Variants in DCHS2 observed in about 807,000 individuals in gnomAD.
The protein encoded by DCHS2 is protocadherin-23.
In DCHS2, 142 loss-of-function variants were observed where a neutral mutation model predicts 182.4. The observed-to-expected ratio is 0.78, with a 90% CI of 0.68 to 0.89. The LOEUF (loss-of-function observed/expected upper bound fraction) is 0.89. Ranked by LOEUF, DCHS2 falls within the 40% of genes least tolerant of loss-of-function variation. The pLI, the probability that DCHS2 is intolerant of heterozygous loss-of-function variation, is 0.00. For synonymous variants in DCHS2, 1,740 were observed against 1,663.3 expected (o/e 1.05, Z -1.12); for missense variants, 4,319 against 4,198.6 (o/e 1.03, Z -0.79).
At chr4:154,417,780 T>C (rs913178168) in intron 1 of DCHS2, among the ~76,000 whole-genome samples, 10 of 152,216 alleles carry the variant, frequency 6.6e-5, no homozygotes, top group Admixed American at 3.9e-4. Flanking sequence ...AAAATCCTTC[T>C]AATAGCAGAA....
In DCHS2 at chr4:154,320,462, G is replaced by A; in HGVS notation, c.4937C>T (p.Pro1646Leu). 6.2e-7 allele frequency: 1 copy of A among 1,614,092 alleles called. No homozygotes were observed. The highest frequency in any genetic ancestry group is 8.5e-7 in the Non-Finnish European group (1 of 1,179,994). Residue 1646 changes from proline (P) to leucine (L), a missense_variant, in exon 9 of 20, where the codon CCA becomes CTA. Coordinates refer to ENST00000357232, the MANE Select transcript of DCHS2 (RefSeq NM_001358235.2). ...TACTTTTCCATTCCTTCCTTCGTCT[G>A]GATCGTGAGCAGTTATGTGGTGGAC... ...SLVHHITAHD[P>L]DEGRNGKVTY...
chr4:154,458,936 G>T (rs1179744419), intron 1 of DCHS2, among the ~76,000 whole-genome samples: 1 of 152,100 alleles, frequency 6.6e-6, no homozygotes, highest in East Asian at 1.9e-4. Context: ...ACAATACTCT[G>T]ATGTACCCAA....
intron 1 of DCHS2, among the ~76,000 whole-genome samples, chr4:154,394,366 G>C (rs899110340): frequency 3.3e-5 from 5 of 152,208 alleles, no homozygotes; most frequent in Non-Finnish European, 7.3e-5. Context: ...GAGTCAGACA[G>C]GTTTTGGACT....
In DCHS2 at chr4:154,489,581, AG is replaced by A; in HGVS notation, c.1774del (p.Leu592CysfsTer30). ...QLSAPCNLGS[L>X]QSKMVHTAEC... ...TGCGGTGTGGACCATCTTTGATTGC[AG>A]GGAGCCGAGATTGCAGGGAGCCGAG... On this transcript the variant is annotated frameshift_variant, in exon 1 of 20. Transcript: ENST00000357232. LOFTEE classifies it high-confidence loss of function. The A allele has an allele frequency of 6.4e-7, 1 of 1,550,688 alleles. No homozygotes were observed. Among genetic ancestry groups the A allele is most frequent in the African/African-American group, 1.4e-5 (1 of 73,110 alleles).
rs200683519 is a variant in DCHS2 at position 154,441,733 on chromosome 4, C to CT, written c.2052+47570dup. Among the ~76,000 whole-genome samples, 315 of 114,834 alleles carry CT rather than the reference C, an allele frequency of 2.7e-3. 3 individuals carry two copies. The highest frequency in any genetic ancestry group is 9.1e-3 in the African/African-American group (305 of 33,634). The allele number at this position is 114,834 out of a possible 152,430, so 75.3% of individuals were successfully genotyped here. A position where few individuals can be genotyped will look rare whatever the true frequency, so the allele number is the denominator to read the frequency against. The stretch of plus-strand genomic sequence containing the variant: ...ATGAGCTACGTCACCATTTATTAGG[C>CT]TTTTTTTTTAACTTGAAAGTCTCAG... On this transcript the variant is annotated intron_variant, in intron 1 of 19. Transcript: ENST00000357232.
At chr4:154,394,894 A>G (rs1018609989) in intron 1 of DCHS2, among the ~76,000 whole-genome samples, 3 of 152,202 alleles carry the variant, frequency 2.0e-5, no homozygotes, top group South Asian at 4.1e-4. Context: ...TGGCAAGTCA[A>G]ATTAGACCAC....
chr4:154,259,450 A>T, intron 15 of DCHS2, 95 bp downstream of exon 15: 1 of 1,524,344 alleles, frequency 6.6e-7, no homozygotes, highest in Non-Finnish European at 8.8e-7. Flanking sequence ...AGAAATTTTT[A>T]TGTACATTGA....
Position 154,335,118 on chromosome 4 carries a change from A to G in DCHS2, c.2477-14T>C. 6.6e-7 allele frequency: 1 copy of G among 1,508,666 alleles called. No individual in the cohort carries two copies. The highest frequency in any genetic ancestry group is 9.2e-7 in the Non-Finnish European group (1 of 1,084,080). The allele number at this position is 1,508,666 out of a possible 1,614,324, so 93.5% of individuals were successfully genotyped here. A position where few individuals can be genotyped will look rare whatever the true frequency, so the allele number is the denominator to read the frequency against. On this transcript the variant is annotated splice_polypyrimidine_tract_variant and intron_variant, in intron 3 of 19. Coordinates refer to ENST00000357232, the MANE Select transcript of DCHS2 (RefSeq NM_001358235.2). ...AGTAAATAATTCCTGGGTAGGGAAAAGAAAACATTGGTAAACAGATAACAT... is the reference window on the plus strand; with the variant it reads ...AGTAAATAATTCCTGGGTAGGGAAAGGAAAACATTGGTAAACAGATAACAT...
At chr4:154,241,786 T>G (rs992153183) in intron 17 of DCHS2, among the ~76,000 whole-genome samples, 1 of 152,198 alleles carries the variant, frequency 6.6e-6, no homozygotes, top group African/African-American at 2.4e-5. Context: ...AATGAAAATA[T>G]ATCAAATATG....
intron 1 of DCHS2, among the ~76,000 whole-genome samples, chr4:154,467,117 C>T (rs1166623226): frequency 6.6e-6 from 1 of 152,092 alleles, no homozygotes; most frequent in Non-Finnish European, 1.5e-5. Context: ...AGAGATCATT[C>T]CAACTAATCT....
chr4:154,386,052 C>T (rs867364795), intron 1 of DCHS2, among the ~76,000 whole-genome samples: 2 of 152,154 alleles, frequency 1.3e-5, no homozygotes, highest in South Asian at 2.1e-4. Flanking sequence ...CACCCCACTC[C>T]ACCCCACAGT....
intron 1 of DCHS2, among the ~76,000 whole-genome samples, chr4:154,456,214 A>AAT (rs966517788): frequency 1.1e-4 from 17 of 152,178 alleles, no homozygotes; most frequent in African/African-American, 3.6e-4. Context: ...CTTCGCTGCT[A>AAT]TAGTATCTCT....
chr4:154,298,636 C>T lies in DCHS2; in HGVS notation c.5678G>A (p.Arg1893Gln), dbSNP rs114469698. 91 of 1,613,732 alleles carry T rather than the reference C, an allele frequency of 5.6e-5. No individual in the cohort carries two copies. The African/African-American group carries it at 8.4e-4, about 15-fold the overall frequency. The change falls in exon 13 of 20, where the codon CGG becomes CAG. Residue 1893 changes from arginine (R) to glutamine (Q), a missense_variant. By Grantham distance (43) the Arg-to-Gln change is conservative (BLOSUM62 1). Coordinates refer to ENST00000357232, the MANE Select transcript of DCHS2 (RefSeq NM_001358235.2). ...GELSTTRALD[R>Q]EQISNFTLVI... ...AAGGGTAAAATTGCTGATTTGCTCC[C>T]GGTCCAAAGCACGAGTGGTTGAGAG...
intron 2 of DCHS2, among the ~76,000 whole-genome samples, chr4:154,373,319 G>T (rs528032825): frequency 1.3e-5 from 2 of 152,114 alleles, no homozygotes; most frequent in Non-Finnish European, 2.9e-5. Context: ...TATGATAGAT[G>T]CAGAAGTCAC....
chr4:154,343,723 T>C lies in DCHS2; in HGVS notation c.2477-8619A>G, dbSNP rs973757194. On this transcript the variant is annotated intron_variant, in intron 3 of 19. Coordinates refer to ENST00000357232, the MANE Select transcript of DCHS2 (RefSeq NM_001358235.2). ...GGAATGATGTGGCTGCTTTGATCTATCCAGACCACTCAAACTTTCTGACTC... is the reference window on the plus strand; with the variant it reads ...GGAATGATGTGGCTGCTTTGATCTACCCAGACCACTCAAACTTTCTGACTC... 7.4e-5 allele frequency: 91 copies of C among 1,232,670 alleles called. 3 individuals carry two copies. Among genetic ancestry groups the C allele is most frequent in the Admixed American group, 4.0e-4 (10 of 25,196 alleles). The allele number at this position is 1,232,670 out of a possible 1,614,324, so 76.4% of individuals were successfully genotyped here.
chr4:154,445,716 T>C (rs1352303144), intron 1 of DCHS2, among the ~76,000 whole-genome samples: 2 of 148,252 alleles, frequency 1.3e-5, no homozygotes, highest in East Asian at 4.0e-4. Flanking sequence ...GAGGCTGAAG[T>C]GGGAGGATTA....
chr4:154,298,645 G>A lies in DCHS2; in HGVS notation c.5669C>T (p.Ala1890Val). The A allele has an allele frequency of 6.2e-7, 1 of 1,613,710 alleles. No homozygotes were observed. The highest frequency in any genetic ancestry group is 8.5e-7 in the Non-Finnish European group (1 of 1,179,814). Reference sequence around the variant, plus strand: ...ATTGCTGATTTGCTCCCGGTCCAAAGCACGAGTGGTTGAGAGTTCTCCTGA... The same window carrying A: ...ATTGCTGATTTGCTCCCGGTCCAAAACACGAGTGGTTGAGAGTTCTCCTGA... The part of the protein sequence containing the change: ...EMSGELSTTR[A>V]LDREQISNFT... The change falls in exon 13 of 20, where the codon GCT (alanine) becomes GTT (valine). Residue 1890 changes from alanine to valine, a missense_variant. Physicochemically the swap from Ala to Val is moderately conservative, Grantham distance 64. Coordinates refer to ENST00000357232, the MANE Select transcript of DCHS2 (RefSeq NM_001358235.2).
chr4:154,240,349 G>A (rs1731747090), intron 18 of DCHS2, among the ~76,000 whole-genome samples, 188 bp downstream of exon 18: 1 of 151,406 alleles, frequency 6.6e-6, no homozygotes, highest in African/African-American at 2.4e-5. Flanking sequence ...TAAACCGAAT[G>A]AGACATTCAT....
rs549668886 is a variant in DCHS2 at position 154,253,729 on chromosome 4, A to C, written c.6941+1790T>G. Among the ~76,000 whole-genome samples, 17 of 152,384 alleles carry C rather than the reference A, an allele frequency of 1.1e-4. No homozygotes were observed. The South Asian group carries it at 2.1e-3, about 19-fold the overall frequency. ...TAAACTTTTAAAATACTTTTGAAGT[A>C]TATTAAACAAAAAACTAAACATTTA... On this transcript the variant is annotated intron_variant, in intron 16 of 19. Coordinates refer to ENST00000357232, the MANE Select transcript of DCHS2 (RefSeq NM_001358235.2).
Sources: allele counts gnomAD v4.1 joint callset (sites outside exome capture counted in the v4.1 genomes callset), GRCh38; gene constraint gnomAD v4.1.1; transcripts MANE v1.5; gene names NCBI Gene and HGNC (gene_info 2026-07-23, HGNC 2026-07-21).